The following CLSTN2 variants were observed in gnomAD, a reference collection of about 807,000 sequenced individuals.
The protein encoded by CLSTN2 is calsyntenin-2.
CLSTN2 carries 48 observed loss-of-function variants against 101.2 expected under a neutral mutation model. The observed-to-expected ratio is 0.47, with a 90% confidence interval of 0.38 to 0.60. The LOEUF (loss-of-function observed/expected upper bound fraction) is 0.60, where lower values mean the gene tolerates loss of function less well. Ranked by LOEUF, CLSTN2 falls within the 20% of genes least tolerant of loss-of-function variation. The probability of loss-of-function intolerance (pLI) is 0.00; values close to 1 mark genes in which losing one functional copy is unlikely to be tolerated. For missense variants in CLSTN2, 1,160 were observed against 1,238.2 expected (o/e 0.94, Z 0.95); for synonymous variants, 481 against 463.6 (o/e 1.04, Z -0.48).
intron 2 of CLSTN2, among the ~76,000 whole-genome samples, chr3:140,375,265 A>G (rs1396259286): frequency 1.3e-5 from 2 of 152,230 alleles, no homozygotes; most frequent in African/African-American, 4.8e-5. Context: ...GAGGAGACAC[A>G]CATTCAAAGG....
Position 140,458,874 on chromosome 3 carries a change from G to T in CLSTN2, c.974-647G>T, listed in dbSNP as rs920510204. On this transcript the variant is annotated intron_variant, in intron 6 of 16. Coordinates refer to ENST00000458420, the MANE Select transcript of CLSTN2 (RefSeq NM_022131.3). The stretch of plus-strand genomic sequence containing the variant: ...CATAGTCACAAAGCTAGCAAATTTT[G>T]CTGCCAGGTGTCAAATTCAATTTCT... Among the ~76,000 whole-genome samples the T allele has an allele frequency of 3.3e-5, 5 of 152,288 alleles. No homozygotes were observed. The East Asian group carries it at 5.8e-4, about 18-fold the overall frequency.
intron 2 of CLSTN2, among the ~76,000 whole-genome samples, chr3:140,257,692 T>C (rs551724202): frequency 4.3e-4 from 66 of 152,228 alleles, no homozygotes; most frequent in African/African-American, 1.5e-3. Flanking sequence ...GAAAATGTGT[T>C]TTTAATGGTT....
intron 1 of CLSTN2, among the ~76,000 whole-genome samples, chr3:140,004,528 G>T (rs921977380): frequency 2.0e-5 from 3 of 152,176 alleles, no homozygotes; most frequent in Admixed American, 1.3e-4. Flanking sequence ...TATTTAAGCA[G>T]TCCTTCTTTA....
At chr3:140,300,345 G>A (rs2087046092) in intron 2 of CLSTN2, among the ~76,000 whole-genome samples, 1 of 152,144 alleles carries the variant, frequency 6.6e-6, no homozygotes, top group African/African-American at 2.4e-5. Context: ...TACAGTGTCT[G>A]TTCTCCTACC....
chr3:140,546,475 C>G (rs1559900720), intron 9 of CLSTN2, 40 bp from the exon 10 acceptor site: 2 of 1,600,234 alleles, frequency 1.2e-6, no homozygotes, highest in East Asian at 4.5e-5. Flanking sequence ...TGTTTCCTAC[C>G]CAGTCTTCAC....
intron 6 of CLSTN2, among the ~76,000 whole-genome samples, chr3:140,450,918 A>G (rs1933232494): frequency 6.6e-6 from 1 of 152,222 alleles, no homozygotes; most frequent in Non-Finnish European, 1.5e-5. Flanking sequence ...ATGATGCAGT[A>G]GATCAGAAAA....
chr3:140,043,784 C>A (rs1363523992), intron 1 of CLSTN2, among the ~76,000 whole-genome samples: 2 of 152,178 alleles, frequency 1.3e-5, no homozygotes, highest in African/African-American at 4.8e-5. Flanking sequence ...AATAGGGAAT[C>A]CTTTCCCCAT....
At chr3:140,126,458 A>T (rs2009431699) in intron 1 of CLSTN2, among the ~76,000 whole-genome samples, 1 of 152,120 alleles carries the variant, frequency 6.6e-6, no homozygotes, top group South Asian at 2.1e-4. Context: ...AGTTTTGCAC[A>T]TACTTGTGCA....
chr3:140,230,655 T>G (rs2086362793), intron 2 of CLSTN2, among the ~76,000 whole-genome samples: 1 of 152,162 alleles, frequency 6.6e-6, no homozygotes, highest in Non-Finnish European at 1.5e-5. Context: ...AGACACAAAA[T>G]CTGCCGGTGC....
chr3:140,369,245 A>T (rs2087824941), intron 2 of CLSTN2, among the ~76,000 whole-genome samples: 1 of 152,370 alleles, frequency 6.6e-6, no homozygotes, highest in African/African-American at 2.4e-5. Flanking sequence ...TGGATTCTAG[A>T]CACTTCAATT....
intron 2 of CLSTN2, among the ~76,000 whole-genome samples, chr3:140,324,609 T>G (rs140284420): frequency 2.6e-5 from 4 of 152,392 alleles, no homozygotes; most frequent in African/African-American, 9.6e-5. Context: ...ATTTGTATGA[T>G]TCACATGTTT....
At position 140,549,448 on chromosome 3, in the gene CLSTN2, C is replaced by G. The variant is rs534315027; in HGVS notation, c.1674+2767C>G. Among the ~76,000 whole-genome samples the G allele has an allele frequency of 6.6e-5, 10 of 151,518 alleles. No homozygotes were observed. In the South Asian group the frequency reaches 2.1e-3, roughly 32 times the overall value. ...CCAAGCCACTGCAAATGATCCTCTTCCATTCCTAGGGCATGGCTGGTAAGA... is the reference window on the plus strand; with the variant it reads ...CCAAGCCACTGCAAATGATCCTCTTGCATTCCTAGGGCATGGCTGGTAAGA... On this transcript the variant is annotated intron_variant, in intron 10 of 16. Transcript: ENST00000458420.
chr3:140,208,266 T>G (rs2010809098), intron 2 of CLSTN2, among the ~76,000 whole-genome samples: 1 of 152,344 alleles, frequency 6.6e-6, no homozygotes, highest in African/African-American at 2.4e-5. Context: ...AAATTTGTTT[T>G]GATGTACGAT....
intron 2 of CLSTN2, among the ~76,000 whole-genome samples, chr3:140,262,920 T>C (rs1009377270): frequency 6.6e-6 from 1 of 151,976 alleles, no homozygotes; most frequent in African/African-American, 2.4e-5. Context: ...GGGAGGTCAA[T>C]GGAGGAAACA....
chr3:140,271,963 C>A (rs143408935), intron 2 of CLSTN2, among the ~76,000 whole-genome samples: 236 of 152,318 alleles, frequency 1.5e-3, no homozygotes, highest in South Asian at 9.1e-3. Context: ...ATTCTGAATT[C>A]TTTAACTTCC....
At chr3:140,348,830 C>T (rs1278574390) in intron 2 of CLSTN2, among the ~76,000 whole-genome samples, 1 of 152,208 alleles carries the variant, frequency 6.6e-6, no homozygotes, top group Non-Finnish European at 1.5e-5. Context: ...TCCACAAACA[C>T]ATGCACAGAG....
At chr3:139,994,208 G>T (rs1346244650) in intron 1 of CLSTN2, among the ~76,000 whole-genome samples, 1 of 152,166 alleles carries the variant, frequency 6.6e-6, no homozygotes, top group African/African-American at 2.4e-5. Flanking sequence ...TCAGGTCTTG[G>T]GTTTGGGCAC....
chr3:140,177,340 C>T (rs974444178), intron 2 of CLSTN2, among the ~76,000 whole-genome samples: 1 of 152,170 alleles, frequency 6.6e-6, no homozygotes, highest in African/African-American at 2.4e-5. Flanking sequence ...CCTAAACCTT[C>T]TTTGCCAGTC....
At chr3:140,071,703 C>T (rs537627298) in intron 1 of CLSTN2, among the ~76,000 whole-genome samples, 4 of 152,018 alleles carry the variant, frequency 2.6e-5, no homozygotes, top group East Asian at 3.9e-4. Flanking sequence ...TGGTGGCGGG[C>T]GCCTGTAGTC....
Sources: gnomAD v4.1 joint callset for allele counts (sites outside exome capture counted in the v4.1 genomes callset) on GRCh38, gnomAD v4.1.1 for gene constraint, MANE v1.5 for transcripts, NCBI Gene and HGNC (gene_info 2026-07-23, HGNC 2026-07-21) for gene names.